NCKAP5: variants seen among roughly 807,000 people sequenced by gnomAD.
NCKAP5 encodes the protein NCK associated protein 5.
Under a neutral mutation model 167.0 loss-of-function variants are expected in NCKAP5, and 92 were observed. The ratio of observed to expected loss-of-function variants is 0.55; its 90% CI spans 0.47 to 0.66. The LOEUF is 0.66. Ranked by LOEUF, NCKAP5 falls within the 30% of genes least tolerant of loss-of-function variation. The pLI, the probability that NCKAP5 is intolerant of heterozygous loss-of-function variation, is 0.00. For synonymous variants in NCKAP5, 891 were observed against 877.4 expected, an observed-to-expected ratio of 1.02 and a Z score of -0.27; for missense variants, 2,378 against 2,315.0, an observed-to-expected ratio of 1.03 and a Z score of -0.56.
chr2:132,754,040 C>T (rs1680332173), intron 16 of NCKAP5, among the ~76,000 whole-genome samples: 1 of 152,198 alleles, frequency 6.6e-6, no homozygotes, highest in South Asian at 2.1e-4. Context: ...AAAGTTGTAG[C>T]CAGGCTGAAG....
At chr2:132,989,150 G>A (rs192618497) in intron 7 of NCKAP5, among the ~76,000 whole-genome samples, 1 of 152,128 alleles carries the variant, frequency 6.6e-6, no homozygotes, top group Admixed American at 6.5e-5. Flanking sequence ...CCCTGTAAAG[G>A]GGGTAACCCT....
chr2:133,090,791 G>A (rs1201568942), intron 6 of NCKAP5, among the ~76,000 whole-genome samples: 2 of 61,992 alleles, frequency 3.2e-5, no homozygotes, highest in South Asian at 4.3e-4. Context: ...GAGACTTGGC[G>A]GGGGAAATTA....
chr2:133,654,180 G>A, the NCKAP5 span, among the ~76,000 whole-genome samples: 1,171 of 151,992 alleles, frequency 7.7e-3, 14 homozygotes, highest in African/African-American at 0.025. Flanking sequence ...TCAGGAGTTC[G>A]AGACCAGCCT....
chr2:133,184,398 C>T (rs1574302977), intron 5 of NCKAP5, among the ~76,000 whole-genome samples: 1 of 152,036 alleles, frequency 6.6e-6, no homozygotes, highest in Non-Finnish European at 1.5e-5. Context: ...TCCATGTCTT[C>T]GTTATTGTGA....
chr2:133,059,768 T>C (rs147823128), intron 6 of NCKAP5, among the ~76,000 whole-genome samples: 1 of 152,212 alleles, frequency 6.6e-6, no homozygotes, highest in East Asian at 1.9e-4. Flanking sequence ...TATAGTATAG[T>C]GTGAACCTAA....
intron 9 of NCKAP5, among the ~76,000 whole-genome samples, chr2:132,871,479 CT>C (rs996992924): frequency 2.0e-5 from 3 of 152,106 alleles, no homozygotes; most frequent in Admixed American, 2.0e-4. Flanking sequence ...TCAATATTTT[CT>C]TTTCTTTCTC....
At chr2:133,271,718 T>C (rs1425760664) in intron 4 of NCKAP5, among the ~76,000 whole-genome samples, 2 of 152,172 alleles carry the variant, frequency 1.3e-5, no homozygotes, top group African/African-American at 4.8e-5. Flanking sequence ...AATAAGCAGC[T>C]ATAAAAGACA....
At position 132,785,155 on chromosome 2, in the gene NCKAP5, TG is replaced by T; in HGVS notation, c.1655del (p.Pro552GlnfsTer42). On this transcript the variant is annotated frameshift_variant, in exon 14 of 20. Coordinates refer to ENST00000409261, the MANE Select transcript of NCKAP5 (RefSeq NM_207363.3). LOFTEE classifies it high-confidence loss of function. Reference sequence around the variant, plus strand: ...TCTGTACCTGAGGCGTCTGCACACTTGGGCACAGCTTCATCTCTAAGGGACA... The same window carrying T: ...TCTGTACCTGAGGCGTCTGCACACTTGGCACAGCTTCATCTCTAAGGGACA... Reference protein sequence around the residue: ...SSCPLEMKLCPSVQTPQVQRE... With the variant: ...SSCPLEMKLCXSVQTPQVQRE... 3.1e-6 allele frequency: 5 copies of T among 1,605,144 alleles called. No individual in the cohort carries two copies.
chr2:133,213,360 T>G (rs2086288533), intron 5 of NCKAP5, among the ~76,000 whole-genome samples: 1 of 152,186 alleles, frequency 6.6e-6, no homozygotes, highest in South Asian at 2.1e-4. Context: ...CTAAGATGGC[T>G]GTTGTTTGTT....
At chr2:133,158,452 G>T (rs1214514637) in intron 5 of NCKAP5, among the ~76,000 whole-genome samples, 1 of 152,156 alleles carries the variant, frequency 6.6e-6, no homozygotes, top group African/African-American at 2.4e-5. Flanking sequence ...TTTGAATTAT[G>T]ATTTAAAATC....
intron 6 of NCKAP5, among the ~76,000 whole-genome samples, chr2:133,055,449 C>T (rs1210306045): frequency 8.4e-5 from 12 of 143,404 alleles, no homozygotes; most frequent in South Asian, 2.2e-4. Flanking sequence ...TGGTGTGCTG[C>T]GAGATATCAG....
intron 4 of NCKAP5, among the ~76,000 whole-genome samples, chr2:133,270,648 C>T (rs2089466228): frequency 2.6e-5 from 4 of 152,176 alleles, no homozygotes; most frequent in South Asian, 4.1e-4. Flanking sequence ...CTCCTTTCTG[C>T]GTGGCAGATG....
chr2:132,830,537 T>G (rs939165136), intron 11 of NCKAP5, among the ~76,000 whole-genome samples: 3 of 152,114 alleles, frequency 2.0e-5, no homozygotes, highest in African/African-American at 7.2e-5. Flanking sequence ...AGAGGTATTT[T>G]GGGCCTATAA....
At chr2:133,335,732 T>A (rs1467602095) in intron 3 of NCKAP5, among the ~76,000 whole-genome samples, 17 of 152,212 alleles carry the variant, frequency 1.1e-4, no homozygotes. Flanking sequence ...CACATTACTA[T>A]GATAATCAAT....
intron 19 of NCKAP5, among the ~76,000 whole-genome samples, chr2:132,687,712 AACACACAC>A (rs3069016): frequency 2.0e-4 from 26 of 131,660 alleles, no homozygotes; most frequent in East Asian, 8.9e-4. Flanking sequence ...CACCTACCTA[AACACACAC>A]ACACACACAC....
At chr2:133,192,534 A>G (rs573946818) in intron 5 of NCKAP5, among the ~76,000 whole-genome samples, 104 of 152,200 alleles carry the variant, frequency 6.8e-4, no homozygotes, top group Admixed American at 1.1e-3. Flanking sequence ...AGAATATATA[A>G]TGGACTCTCA....
intron 5 of NCKAP5, among the ~76,000 whole-genome samples, chr2:133,157,419 TCCCATCTGCCTGGGGTTGACAG>T (rs1237551987): frequency 2.0e-5 from 3 of 152,224 alleles, no homozygotes; most frequent in African/African-American, 7.2e-5. Flanking sequence ...AGGAAAGGTT[TCCCATCTGCCTGGGGTTGACAG>T]ATTTCAAAGG....
chr2:132,879,010 T>C (rs1691543547), intron 8 of NCKAP5, 94 bp from the exon 9 acceptor site: 4 of 963,472 alleles, frequency 4.2e-6, no homozygotes, highest in Non-Finnish European at 4.9e-6. Context: ...TATCTCCTCG[T>C]GATCCAAAAC....
At chr2:132,962,047 G>A (rs1402668401) in intron 8 of NCKAP5, among the ~76,000 whole-genome samples, 1 of 152,172 alleles carries the variant, frequency 6.6e-6, no homozygotes, top group Non-Finnish European at 1.5e-5. Context: ...TTTGCCCAGA[G>A]GGAGTTGCTA....
Sources: allele counts gnomAD v4.1 joint callset (sites outside exome capture counted in the v4.1 genomes callset), GRCh38; gene constraint gnomAD v4.1.1; transcripts MANE v1.5; gene names NCBI Gene and HGNC (gene_info 2026-07-23, HGNC 2026-07-21).